AKAP6: variants seen among roughly 807,000 people sequenced by gnomAD.
AKAP6 encodes the protein A-kinase anchoring protein 6.
Under a neutral mutation model 188.5 loss-of-function variants are expected in AKAP6, and 58 were observed. The ratio of observed to expected loss-of-function variants is 0.31; its 90% CI spans 0.25 to 0.38. The LOEUF (loss-of-function observed/expected upper bound fraction) is 0.38, where lower values mean the gene tolerates loss of function less well. Ranked by LOEUF, AKAP6 falls within the 10% of genes least tolerant of loss-of-function variation. The pLI, the probability that AKAP6 is intolerant of heterozygous loss-of-function variation, is 1.00. For synonymous variants in AKAP6, 989 were observed against 998.6 expected, an observed-to-expected ratio of 0.99 and a Z score of 0.18; for missense variants, 2,710 against 2,740.0, an observed-to-expected ratio of 0.99 and a Z score of 0.24.
intron 1 of AKAP6, among the ~76,000 whole-genome samples, chr14:32,345,588 C>T (rs1229303634): frequency 1.3e-5 from 2 of 152,134 alleles, no homozygotes; most frequent in Admixed American, 6.5e-5. Flanking sequence ...GAGTCAAAAG[C>T]GGTTCCTAGA....
intron 11 of AKAP6, among the ~76,000 whole-genome samples, chr14:32,771,006 A>C (rs2032880576): frequency 6.6e-6 from 1 of 152,198 alleles, no homozygotes. Context: ...AAAGATAGTT[A>C]TAATAATTGT....
intron 8 of AKAP6, among the ~76,000 whole-genome samples, chr14:32,693,082 T>C (rs2139686543): frequency 6.6e-6 from 1 of 152,320 alleles, no homozygotes; most frequent in South Asian, 2.1e-4. Context: ...GATCTTGTAA[T>C]TCTGGGGTGC....
At position 32,433,672 on chromosome 14, in the gene AKAP6, C is replaced by T; in HGVS notation, c.179C>T (p.Thr60Ile). The T allele has an allele frequency of 6.2e-7, 1 of 1,614,174 alleles. No individual in the cohort carries two copies. Among genetic ancestry groups the T allele is most frequent in the Non-Finnish European group, 8.5e-7 (1 of 1,180,032 alleles). Residue 60 changes from threonine to isoleucine, a missense_variant, in exon 2 of 14, where the codon ACA becomes ATA. Around this residue, in one of 2 missense-constraint regions of AKAP6, gnomAD observed 237 missense variants for 313.9 expected, o/e 0.76. Coordinates refer to ENST00000280979, the MANE Select transcript of AKAP6 (RefSeq NM_004274.5). ...QQYEKPPPLH[T>I]GADWKIVLHL... ...TATGAAAAGCCACCCCCACTACACA[C>T]AGGGGCTGACTGGAAGATTGTCCTC...
intron 5 of AKAP6, among the ~76,000 whole-genome samples, chr14:32,587,930 G>C (rs116046183): frequency 2.0e-5 from 3 of 152,118 alleles, no homozygotes; most frequent in Non-Finnish European, 4.4e-5. Context: ...GGCAAATGTC[G>C]TACAAGTACA....
Position 32,600,655 on chromosome 14 carries a change from G to A in AKAP6, c.2593G>A (p.Ala865Thr), listed in dbSNP as rs775637891. 6.2e-7 allele frequency: 1 copy of A among 1,613,086 alleles called. No homozygotes were observed. Among genetic ancestry groups the A allele is most frequent in the Middle Eastern group, 1.7e-4 (1 of 5,978 alleles). ...ACTGAAGGACATGCTGCGGATGATT[G>A]CAAGTCAATGGAAGGAGCTGCAGAG... ...AGLKDMLRMI[A>T]SQWKELQRQI... is the part of the protein sequence containing the mutation. Residue 865 changes from alanine (A) to threonine (T), a missense_variant, in exon 7 of 14, where the codon GCA (alanine) becomes ACA (threonine). Physicochemically the swap from Ala to Thr is moderately conservative, Grantham distance 58. Coordinates refer to ENST00000280979, the MANE Select transcript of AKAP6 (RefSeq NM_004274.5).
chr14:32,339,427 T>C (rs117771057), intron 1 of AKAP6, among the ~76,000 whole-genome samples: 2,032 of 152,278 alleles, frequency 0.013, 29 homozygotes, highest in Middle Eastern at 0.044. Flanking sequence ...AATTCTTCTA[T>C]TGGAAGCAGG....
At chr14:32,542,173 T>A (rs891645276) in intron 3 of AKAP6, among the ~76,000 whole-genome samples, 1 of 152,214 alleles carries the variant, frequency 6.6e-6, no homozygotes, top group Non-Finnish European at 1.5e-5. Flanking sequence ...ATCAAGCTAC[T>A]GGCTCATGGT....
At chr14:32,645,426 ATTTATG>A (rs1025228298) in intron 7 of AKAP6, among the ~76,000 whole-genome samples, 1 of 152,070 alleles carries the variant, frequency 6.6e-6, no homozygotes, top group African/African-American at 2.4e-5. Context: ...TCCTCTTGTC[ATTTATG>A]TTTCTATTTT....
intron 1 of AKAP6, among the ~76,000 whole-genome samples, chr14:32,405,722 T>C (rs1889268258): frequency 1.3e-5 from 2 of 152,000 alleles, no homozygotes; most frequent in African/African-American, 4.8e-5. Flanking sequence ...TGAGATCTGA[T>C]GGTTTTATAA....
At chr14:32,644,475 G>A (rs530437475) in intron 7 of AKAP6, among the ~76,000 whole-genome samples, 3 of 152,264 alleles carry the variant, frequency 2.0e-5, no homozygotes, top group Non-Finnish European at 2.9e-5. Flanking sequence ...ACATCCATTT[G>A]ATCTCTGTAA....
intron 1 of AKAP6, among the ~76,000 whole-genome samples, chr14:32,415,004 T>C (rs1196606886): frequency 2.0e-5 from 3 of 152,216 alleles, no homozygotes; most frequent in Non-Finnish European, 4.4e-5. Flanking sequence ...ATGGATCTGA[T>C]TATAACCTAA....
intron 5 of AKAP6, among the ~76,000 whole-genome samples, chr14:32,592,704 A>G (rs952014551): frequency 1.3e-5 from 2 of 152,138 alleles, no homozygotes; most frequent in African/African-American, 2.4e-5. Flanking sequence ...GTCATTTTGT[A>G]TAATAAAGCC....
intron 4 of AKAP6, among the ~76,000 whole-genome samples, chr14:32,558,771 A>G (rs536727034): frequency 1.8e-4 from 27 of 152,264 alleles, no homozygotes; most frequent in African/African-American, 6.5e-4. Context: ...TCTATGGCTC[A>G]CCACCAATAC....
intron 12 of AKAP6, among the ~76,000 whole-genome samples, chr14:32,820,961 T>C (rs916003369): frequency 6.7e-6 from 1 of 149,866 alleles, no homozygotes; most frequent in Non-Finnish European, 1.5e-5. Context: ...AGAAGGAGTT[T>C]GCCATGTGTG....
At chr14:32,651,177 G>A (rs1888208042) in intron 7 of AKAP6, among the ~76,000 whole-genome samples, 1 of 152,030 alleles carries the variant, frequency 6.6e-6, no homozygotes, top group Non-Finnish European at 1.5e-5. Context: ...TCCCACCTTG[G>A]GTACCCACTG....
At chr14:32,371,437 C>T (rs1169667657) in intron 1 of AKAP6, among the ~76,000 whole-genome samples, 1 of 152,090 alleles carries the variant, frequency 6.6e-6, no homozygotes, top group African/African-American at 2.4e-5. Context: ...CAAAACAAAA[C>T]AAAACCAAAA....
At chr14:32,360,490 A>T (rs1218156270) in intron 1 of AKAP6, among the ~76,000 whole-genome samples, 1 of 152,194 alleles carries the variant, frequency 6.6e-6, no homozygotes, top group Non-Finnish European at 1.5e-5. Context: ...TCTTGCCTGT[A>T]GCAATCACCT....
chr14:32,346,889 A>C (rs778774096), intron 1 of AKAP6, among the ~76,000 whole-genome samples: 32 of 152,214 alleles, frequency 2.1e-4, no homozygotes, highest in Admixed American at 5.2e-4. Flanking sequence ...CCACCCAAAA[A>C]GTTTGGGGTG....
intron 2 of AKAP6, among the ~76,000 whole-genome samples, chr14:32,474,883 C>G (rs745562): frequency 0.64 from 97,607 of 151,970 alleles, 31,925 homozygotes; most frequent in South Asian, 0.87. Context: ...CTTGGCAAAA[C>G]GGATGAAAAT....
Sources: allele counts gnomAD v4.1 joint callset (sites outside exome capture counted in the v4.1 genomes callset), GRCh38; gene constraint gnomAD v4.1.1; regional missense constraint gnomAD v4.1.1; transcripts MANE v1.5; gene names NCBI Gene and HGNC (gene_info 2026-07-23, HGNC 2026-07-21).